The following LRRC43 variants were observed in gnomAD, a reference collection of about 807,000 sequenced individuals.
The protein encoded by LRRC43 is leucine rich repeat containing 43, also known as leucine-rich repeat-containing protein 43.
Under a neutral mutation model 64.3 loss-of-function variants are expected in LRRC43, and 62 were observed. The observed-to-expected ratio is 0.96, with a 90% CI of 0.79 to 1.19. LRRC43 has a LOEUF of 1.19. Among genes scored for constraint, LRRC43 ranks in the 50% most tolerant of loss-of-function variants. LRRC43 has a pLI of 0.00. For synonymous variants in LRRC43, 422 were observed against 382.3 expected (o/e 1.10, Z -1.21); for missense variants, 868 against 845.0 (o/e 1.03, Z -0.34).
chr12:122,197,256 G>T (rs1256181619), intron 7 of LRRC43, among the ~76,000 whole-genome samples: 2 of 152,142 alleles, frequency 1.3e-5, no homozygotes, highest in Admixed American at 1.3e-4. Context: ...TGGCTCCTGG[G>T]TTCAAGCAAT....
chr12:122,201,442 G>A, intron 11 of LRRC43, 113 bp downstream of exon 11: 2 of 906,148 alleles, frequency 2.2e-6, no homozygotes, highest in South Asian at 1.4e-5. Context: ...CTTCTGGCCT[G>A]GGGAGAGGCC....
At position 122,191,355 on chromosome 12, in the gene LRRC43, CT is replaced by C. The variant is rs769825206; in HGVS notation, c.902-24del. On this transcript the variant is annotated intron_variant, in intron 5 of 11. Coordinates refer to ENST00000339777, the MANE Select transcript of LRRC43 (RefSeq NM_001098519.2). ...GCCAACTTCCATTCCATGGGCCCCCCTGTCCTGCCCATTCCTCCCTGCAGAT... is the reference window on the plus strand; with the variant it reads ...GCCAACTTCCATTCCATGGGCCCCCCGTCCTGCCCATTCCTCCCTGCAGAT... 12 of 1,588,814 alleles carry C rather than the reference CT, an allele frequency of 7.6e-6. No individual in the cohort carries two copies. In the African/African-American group the frequency reaches 8.1e-5, roughly 11 times the overall value.
chr12:122,199,868 G>A (rs542042786), intron 7 of LRRC43, among the ~76,000 whole-genome samples: 2 of 152,338 alleles, frequency 1.3e-5, no homozygotes, highest in South Asian at 4.1e-4. Flanking sequence ...AGAAGCCAGA[G>A]CCACCACGCT....
At chr12:122,197,852 A>C (rs1199909654) in intron 7 of LRRC43, among the ~76,000 whole-genome samples, 2 of 152,054 alleles carry the variant, frequency 1.3e-5, no homozygotes, top group African/African-American at 4.8e-5. Context: ...TAGATTGTTG[A>C]GTGCTAACCT....
intron 1 of LRRC43, among the ~76,000 whole-genome samples, chr12:122,173,106 A>G (rs537473679): frequency 1.3e-5 from 2 of 151,936 alleles, no homozygotes; most frequent in Non-Finnish European, 2.9e-5. Flanking sequence ...TATAAAGGAG[A>G]GTGTTAGGCT....
chr12:122,198,105 T>C lies in LRRC43; in HGVS notation c.1350-2084T>C, dbSNP rs141414485. Among the ~76,000 whole-genome samples the C allele has an allele frequency of 5.1e-3, 778 of 151,878 alleles. 8 individuals carry two copies. Among genetic ancestry groups the C allele is most frequent in the Non-Finnish European group, 6.8e-3 (463 of 67,924 alleles). ...AAGCGATTCTCCTGCCTCAGCCACT[T>C]GAGTAGCTGGAATTACAGGTGCCCA... On this transcript the variant is annotated intron_variant, in intron 7 of 11. Transcript: ENST00000339777.
At chr12:122,178,555 G>A (rs1290642925), upstream of LRRC43, among the ~76,000 whole-genome samples, 1 of 149,646 alleles carries the variant, frequency 6.7e-6, no homozygotes, top group Non-Finnish European at 1.5e-5. Context: ...AAATGTTTAG[G>A]AGGAAAAATA....
intron 1 of LRRC43, among the ~76,000 whole-genome samples, chr12:122,176,372 G>C (rs1440816378): frequency 1.3e-5 from 2 of 152,152 alleles, no homozygotes; most frequent in African/African-American, 4.8e-5. Flanking sequence ...GAGGGTAGTG[G>C]GGAGGTGGGC....
At chr12:122,196,627 G>T (rs932549313) in intron 7 of LRRC43, among the ~76,000 whole-genome samples, 1 of 152,044 alleles carries the variant, frequency 6.6e-6, no homozygotes, top group African/African-American at 2.4e-5. Context: ...AAATTATCTG[G>T]GCATGGTGGC....
intron 3 of LRRC43, among the ~76,000 whole-genome samples, chr12:122,187,000 G>A (rs190333781): frequency 3.7e-4 from 57 of 152,256 alleles, no homozygotes; most frequent in African/African-American, 1.3e-3. Flanking sequence ...CTGGGAGGCT[G>A]AGGTGGGCAG....
intron 1 of LRRC43, chr12:122,172,408 G>A: frequency 6.2e-7 from 1 of 1,602,408 alleles, no homozygotes; most frequent in Non-Finnish European, 8.5e-7. Context: ...AGGAAGAGAT[G>A]GCCTTAAGTG....
chr12:122,198,325 G>GT (rs1169482534), intron 7 of LRRC43, among the ~76,000 whole-genome samples: 1 of 152,062 alleles, frequency 6.6e-6, no homozygotes, highest in Non-Finnish European at 1.5e-5. Context: ...ATGTTAAAGC[G>GT]TATGAGTCGG....
intron 6 of LRRC43, 74 bp downstream of exon 6, chr12:122,191,641 AT>A (rs1284428176): frequency 8.6e-7 from 1 of 1,160,834 alleles, no homozygotes; most frequent in African/African-American, 1.6e-5. Context: ...CCCCAGGAAA[AT>A]CCTTTTAATT....
At chr12:122,181,217 CAA>C (rs201007052), upstream of LRRC43, among the ~76,000 whole-genome samples, 2 of 132,412 alleles carry the variant, frequency 1.5e-5, no homozygotes. Flanking sequence ...GACCCTGCCT[CAA>C]AAAAAAAAAA....
chr12:122,191,379 G>A lies in LRRC43; in HGVS notation c.902-1G>A, dbSNP rs1039047609. On this transcript the variant is annotated splice_acceptor_variant, in intron 5 of 11. Transcript: ENST00000339777. LOFTEE classifies it high-confidence loss of function. The stretch of plus-strand genomic sequence containing the variant: ...CCTGTCCTGCCCATTCCTCCCTGCA[G>A]ATCTCTTGGCACAGGAGGCGCAGTT... 1 of 1,608,540 alleles carries A rather than the reference G, an allele frequency of 6.2e-7. No homozygotes were observed.
upstream of LRRC43, among the ~76,000 whole-genome samples, chr12:122,179,150 A>G (rs1183421692): frequency 6.6e-6 from 1 of 152,096 alleles, no homozygotes; most frequent in Admixed American, 6.6e-5. Flanking sequence ...GCTAGAGTGC[A>G]GTGGTGTGAT....
upstream of LRRC43, among the ~76,000 whole-genome samples, chr12:122,179,004 A>G (rs1953560363): frequency 6.6e-6 from 1 of 152,206 alleles, no homozygotes; most frequent in African/African-American, 2.4e-5. Context: ...TGATATTGGT[A>G]CAAACGAAGA....
rs562994320 is a variant in LRRC43, at chr12:122,184,299, T to C, written c.151-220T>C. ...TTAGTCGAGACGGGGTTTCACCGTG[T>C]TAGCCAGGATGGCCTCGATCTCTTG... On this transcript the variant is annotated intron_variant, in intron 1 of 11. Coordinates refer to ENST00000339777, the MANE Select transcript of LRRC43 (RefSeq NM_001098519.2). This position sits in a 1 kb window ranked among gnomAD's most constrained non-coding sequence, Gnocchi z 4.0. Among the ~76,000 whole-genome samples, 33 of 152,292 alleles carry C rather than the reference T, an allele frequency of 2.2e-4. No individual in the cohort carries two copies. Among genetic ancestry groups the C allele is most frequent in the Non-Finnish European group, 4.1e-4 (28 of 68,026 alleles).
Position 122,200,956 on chromosome 12 carries a change from A to T in LRRC43, c.1809+22A>T. ...CAGGGTACAGCCGGGCCCTAGCCAC[A>T]TCCTCCACCTCTGCCTTCGCCCTCC... On this transcript the variant is annotated intron_variant, in intron 10 of 11. Transcript: ENST00000339777. This position sits in a 1 kb window ranked among gnomAD's most constrained non-coding sequence, Gnocchi z 4.6. 6.4e-7 allele frequency: 1 copy of T among 1,564,466 alleles called. No individual in the cohort carries two copies. Among genetic ancestry groups the T allele is most frequent in the South Asian group, 1.2e-5 (1 of 82,876 alleles).
Sources: gnomAD v4.1 joint callset for allele counts (sites outside exome capture counted in the v4.1 genomes callset) on GRCh38, gnomAD v4.1.1 for gene constraint, Gnocchi (gnomAD v3.1) non-coding constraint, MANE v1.5 for transcripts, NCBI Gene and HGNC (gene_info 2026-07-23, HGNC 2026-07-21) for gene names.